Variants in TOR1AIP1 observed in about 807,000 individuals in gnomAD.
TOR1AIP1 encodes the protein torsin-1A-interacting protein 1.
Under a neutral mutation model 63.3 loss-of-function variants are expected in TOR1AIP1, and 54 were observed. The observed-to-expected ratio is 0.85, with a 90% CI of 0.69 to 1.07. The LOEUF (loss-of-function observed/expected upper bound fraction) is 1.07. Among genes scored for constraint, TOR1AIP1 ranks in the 50% least tolerant of loss-of-function variants. TOR1AIP1 has a pLI of 0.00. For missense variants in TOR1AIP1, 736 were observed against 715.0 expected, an observed-to-expected ratio of 1.03 and a Z score of -0.33; for synonymous variants, 294 against 273.5, an observed-to-expected ratio of 1.07 and a Z score of -0.74.
intron 6 of TOR1AIP1, among the ~76,000 whole-genome samples, chr1:179,906,732 T>TCCCCC (rs58237159): frequency 8.9e-6 from 1 of 112,644 alleles, no homozygotes; most frequent in African/African-American, 3.4e-5. Flanking sequence ...CAATTTTGGT[T>TCCCCC]CCCCCCCCCC....
At position 179,917,697 on chromosome 1, in the gene TOR1AIP1, C is replaced by G. The variant is rs541059100; in HGVS notation, c.1210C>G (p.Arg404Gly). The change falls in exon 10 of 10, where the codon CGG becomes GGG. Residue 404 changes from arginine to glycine, a missense_variant. Arg to Gly is a moderately radical substitution (Grantham distance 125). Around this residue, in one of 2 missense-constraint regions of TOR1AIP1, gnomAD observed 272 missense variants for 344.1 expected, o/e 0.79. Coordinates refer to ENST00000606911, the MANE Select transcript of TOR1AIP1 (RefSeq NM_015602.4). The part of the protein sequence containing the change: ...LEKHLNSSHP[R>G]SQPAILLLTA... ...AAAACATCTTAATAGCTCCCATCCTCGGTCTCAGCCTGCTATCTTACTGCT... is the reference window on the plus strand; with the variant it reads ...AAAACATCTTAATAGCTCCCATCCTGGGTCTCAGCCTGCTATCTTACTGCT... 6 of 1,614,216 alleles carry G rather than the reference C, an allele frequency of 3.7e-6. No homozygotes were observed. Among genetic ancestry groups the G allele is most frequent in the South Asian group, 3.3e-5 (3 of 91,088 alleles).
At chr1:179,899,418 C>T (rs1316631061) in intron 3 of TOR1AIP1, among the ~76,000 whole-genome samples, 8 of 152,192 alleles carry the variant, frequency 5.3e-5, no homozygotes. Flanking sequence ...CTTTACCTTT[C>T]TTCCTCTTTG....
At position 179,917,880 on chromosome 1, in the gene TOR1AIP1, C is replaced by T; in HGVS notation, c.1393C>T (p.Leu465=). ...DTVKLEVDQE[L]SNGFKNGQNA... Reference sequence around the variant, plus strand: ...TGTCAAACTAGAGGTAGACCAAGAACTGAGCAATGGATTTAAGAATGGCCA... The same window carrying T: ...TGTCAAACTAGAGGTAGACCAAGAATTGAGCAATGGATTTAAGAATGGCCA... The change falls in exon 10 of 10, where the codon CTG becomes TTG. Residue 465 remains leucine (L), a synonymous_variant. Transcript: ENST00000606911. The T allele has an allele frequency of 1.9e-6, 3 of 1,614,208 alleles. No homozygotes were observed. Among genetic ancestry groups the T allele is most frequent in the Non-Finnish European group, 2.5e-6 (3 of 1,180,040 alleles).
rs1170058030 is a variant in TOR1AIP1 at position 179,918,552 on chromosome 1, G to T, written c.*313G>T. The T allele has an allele frequency of 9.2e-6, 2 of 216,816 alleles. No individual in the cohort carries two copies. Among genetic ancestry groups the T allele is most frequent in the Non-Finnish European group, 9.1e-6 (1 of 109,732 alleles). 13.4% of individuals were successfully genotyped at this position (216,816 alleles called of 1,614,324 possible). A position where few individuals can be genotyped will look rare whatever the true frequency, so the allele number is the denominator to read the frequency against. ...ATGGTATGACCAGTGAGAGGGATTT[G>T]TGTCCTTTCTTATGAACCTTCCTGA... On this transcript the variant is annotated 3_prime_UTR_variant, in exon 10 of 10. Transcript: ENST00000606911.
chr1:179,918,443 C>T lies in TOR1AIP1; in HGVS notation c.*204C>T. On this transcript the variant is annotated 3_prime_UTR_variant, in exon 10 of 10. Coordinates refer to ENST00000606911, the MANE Select transcript of TOR1AIP1 (RefSeq NM_015602.4). ...GAATCATTTCAGTTTCCATTGAGAG[C>T]TCTGTTAAAGGTATCTTAGGAGTGC... 1.7e-6 allele frequency: 1 copy of T among 580,936 alleles called. No homozygotes were observed. Among genetic ancestry groups the T allele is most frequent in the Non-Finnish European group, 3.0e-6 (1 of 336,916 alleles). The allele number at this position is 580,936 out of a possible 1,614,324, so 36.0% of individuals were successfully genotyped here. A position where few individuals can be genotyped will look rare whatever the true frequency, so the allele number is the denominator to read the frequency against.
At chr1:179,883,833 C>A (rs1392526439) in intron 1 of TOR1AIP1, 1 of 363,294 alleles carries the variant, frequency 2.8e-6, no homozygotes, top group Non-Finnish European at 5.5e-6. Flanking sequence ...CCTGCCCCCC[C>A]CATTTTAGGA....
chr1:179,909,595 G>T (rs1196515526), intron 8 of TOR1AIP1, among the ~76,000 whole-genome samples: 1 of 151,790 alleles, frequency 6.6e-6, no homozygotes. Context: ...ATTGTTACAC[G>T]CCTGGCTAAT....
chr1:179,914,198 T>C, intron 9 of TOR1AIP1, 144 bp downstream of exon 9: 1 of 710,048 alleles, frequency 1.4e-6, no homozygotes, highest in Admixed American at 2.8e-5. Context: ...AAGTATATAT[T>C]CTACTAGCAG....
In TOR1AIP1 at chr1:179,882,546, G is replaced by C. The variant is rs772669531; in HGVS notation, c.44G>C (p.Trp15Ser). 29 of 1,493,602 alleles carry C rather than the reference G, an allele frequency of 1.9e-5. No individual in the cohort carries two copies. Among genetic ancestry groups the C allele is most frequent in the Non-Finnish European group, 2.6e-5 (29 of 1,124,684 alleles). The allele number at this position is 1,493,602 out of a possible 1,614,324, so 92.5% of individuals were successfully genotyped here. A position where few individuals can be genotyped will look rare whatever the true frequency, so the allele number is the denominator to read the frequency against. ...CGGGCAGAGGCGGTGCGGGAAGGAT[G>C]GGGTGTGTACGTCACCCCCAGGGCC... ...GRRAEAVREG[W>S]GVYVTPRAPI... is the part of the protein sequence containing the mutation. Residue 15 changes from tryptophan (W) to serine (S), a missense_variant, in exon 1 of 10, where the codon TGG (tryptophan) becomes TCG (serine). Physicochemically the swap from Trp to Ser is radical, Grantham distance 177. This residue lies in a region of TOR1AIP1 where 464 missense variants were observed against 371.0 expected (regional missense o/e 1.25). Transcript: ENST00000606911.
At chr1:179,907,943 G>A in intron 7 of TOR1AIP1, 79 bp downstream of exon 7, 1 of 732,276 alleles carries the variant, frequency 1.4e-6, no homozygotes, top group Non-Finnish European at 1.8e-6. Context: ...TTGAGACGAT[G>A]TCTTGCTCTG....
rs1342839150 is a variant in TOR1AIP1 at position 179,882,728 on chromosome 1, A to C, written c.226A>C (p.Lys76Gln). 1 of 1,613,956 alleles carries C rather than the reference A, an allele frequency of 6.2e-7. No individual in the cohort carries two copies. The highest frequency in any genetic ancestry group is 1.7e-5 in the Admixed American group (1 of 59,974). Reference protein sequence around the residue: ...VYGDFEPLVAKERSPVGKRTR... With the variant: ...VYGDFEPLVAQERSPVGKRTR... Reference sequence around the variant, plus strand: ...CGGCGACTTCGAGCCCCTGGTGGCCAAAGAAAGGTCCCCGGTGGGAAAACG... The same window carrying C: ...CGGCGACTTCGAGCCCCTGGTGGCCCAAGAAAGGTCCCCGGTGGGAAAACG... The change falls in exon 1 of 10, where the codon AAA becomes CAA. Residue 76 changes from lysine (K) to glutamine (Q), a missense_variant. By Grantham distance (53) the Lys-to-Gln change is moderately conservative. Transcript: ENST00000606911.
At chr1:179,917,420 T>C in intron 9 of TOR1AIP1, 32 bp from the exon 10 acceptor site, 3 of 1,568,422 alleles carry the variant, frequency 1.9e-6, no homozygotes, top group Non-Finnish European at 2.6e-6. Flanking sequence ...AAAGTGGTAT[T>C]TATATCTGTC....
intron 2 of TOR1AIP1, among the ~76,000 whole-genome samples, chr1:179,887,120 C>T (rs2148470928): frequency 6.6e-6 from 1 of 152,328 alleles, no homozygotes; most frequent in East Asian, 1.9e-4. Flanking sequence ...AAGACCTAGG[C>T]CCGGCATGGT....
chr1:179,912,205 A>G (rs1558046599), intron 8 of TOR1AIP1, among the ~76,000 whole-genome samples: 1 of 151,596 alleles, frequency 6.6e-6, no homozygotes, highest in Non-Finnish European at 1.5e-5. Flanking sequence ...ATTTTAGTAG[A>G]GACAGGGTTT....
intron 7 of TOR1AIP1, 47 bp downstream of exon 7, chr1:179,907,911 C>CTTT (rs761235575): frequency 9.4e-6 from 6 of 636,548 alleles, no homozygotes; most frequent in Admixed American, 4.4e-5. Context: ...CAATTCTTTT[C>CTTT]TCTTTTTTTT....
intron 3 of TOR1AIP1, among the ~76,000 whole-genome samples, chr1:179,896,867 A>G (rs567616676): frequency 7.2e-5 from 11 of 152,306 alleles, no homozygotes; most frequent in African/African-American, 2.4e-4. Flanking sequence ...AAATCATAGC[A>G]GGCTTGGGTT....
At chr1:179,902,019 C>CT (rs767712125) in intron 5 of TOR1AIP1, among the ~76,000 whole-genome samples, 11,512 of 98,730 alleles carry the variant, frequency 0.12, 835 homozygotes, top group African/African-American at 0.14. Flanking sequence ...AATTCCAATT[C>CT]TTTTTTTTTT....
chr1:179,891,606 C>T (rs538662216), intron 3 of TOR1AIP1, among the ~76,000 whole-genome samples: 1 of 151,754 alleles, frequency 6.6e-6, no homozygotes, highest in African/African-American at 2.4e-5. Context: ...TGCTCTATCA[C>T]CGAGGCTGGA....
chr1:179,894,376 G>T (rs1648200066), intron 3 of TOR1AIP1, among the ~76,000 whole-genome samples: 1 of 151,710 alleles, frequency 6.6e-6, no homozygotes, highest in Non-Finnish European at 1.5e-5. Flanking sequence ...ATACTAGGTT[G>T]TACCCAGAGC....
Sources: allele counts gnomAD v4.1 joint callset (sites outside exome capture counted in the v4.1 genomes callset), GRCh38; gene constraint gnomAD v4.1.1; regional missense constraint gnomAD v4.1.1; transcripts MANE v1.5; gene names NCBI Gene and HGNC (gene_info 2026-07-23, HGNC 2026-07-21).